The following RBFA variants were observed in gnomAD, a reference collection of about 807,000 sequenced individuals.
The protein encoded by RBFA is ribosome binding factor A, also known as putative ribosome-binding factor A, mitochondrial.
A neutral mutation model predicts 27.9 loss-of-function variants in RBFA; 16 were observed. The observed-to-expected ratio is 0.57, with a 90% CI of 0.39 to 0.87. The LOEUF (loss-of-function observed/expected upper bound fraction) is 0.87. Among genes scored for constraint, RBFA ranks in the 40% least tolerant of loss-of-function variants. The pLI is 0.00. For synonymous variants in RBFA, 181 were observed against 181.0 expected, an observed-to-expected ratio of 1.00 and a Z score of 0.00; for missense variants, 456 against 432.1, an observed-to-expected ratio of 1.06 and a Z score of -0.49.
At chr18:80,043,405 C>T (rs1056268828) in intron 5 of RBFA, among the ~76,000 whole-genome samples, 4 of 152,130 alleles carry the variant, frequency 2.6e-5, no homozygotes, top group South Asian at 2.1e-4. Flanking sequence ...GAAAAAGAAA[C>T]GAAGGAGTGA....
At chr18:80,035,952 G>A (rs2051975995) in intron 1 of RBFA, 1 of 152,150 alleles carries the variant, frequency 6.6e-6, no homozygotes, top group African/African-American at 2.4e-5. Context: ...GGCACTACAA[G>A]ATACTCCAGG....
At chr18:80,037,198 C>G (rs773144076) in intron 2 of RBFA, 132 bp from the exon 3 acceptor site, 12 of 632,728 alleles carry the variant, frequency 1.9e-5, no homozygotes, top group Non-Finnish European at 3.3e-5. Context: ...TTAATGAAAG[C>G]TGAGGCAGCT....
chr18:80,039,805 A>G (rs1235731164), intron 4 of RBFA, among the ~76,000 whole-genome samples: 1 of 152,266 alleles, frequency 6.6e-6, no homozygotes, highest in Non-Finnish European at 1.5e-5. Context: ...TTACAAAACC[A>G]TACGCTGAGA....
chr18:80,038,434 T>C, intron 3 of RBFA, 71 bp from the exon 4 acceptor site: 1 of 1,071,040 alleles, frequency 9.3e-7, no homozygotes, highest in Non-Finnish European at 1.4e-6. Flanking sequence ...GTCGTTTTCA[T>C]CTCCTGGATG....
At chr18:80,043,907 A>G (rs772784204) in intron 5 of RBFA, among the ~76,000 whole-genome samples, 19 of 152,222 alleles carry the variant, frequency 1.2e-4, no homozygotes, top group Admixed American at 3.9e-4. Context: ...GTTAATGGTT[A>G]GTTAGTTAAT....
At chr18:80,042,944 G>T (rs1294687434) in intron 5 of RBFA, among the ~76,000 whole-genome samples, 2 of 152,124 alleles carry the variant, frequency 1.3e-5, no homozygotes, top group East Asian at 3.9e-4. Flanking sequence ...CTCTAACTAG[G>T]GTATGAACTC....
chr18:80,045,211 GA>G, intron 6 of RBFA, among the ~76,000 whole-genome samples: 1 of 145,508 alleles, frequency 6.9e-6, no homozygotes, highest in South Asian at 2.2e-4. Flanking sequence ...CATGCTTAGA[GA>G]AAAAAGTTGC....
intron 4 of RBFA, among the ~76,000 whole-genome samples, chr18:80,039,988 C>T (rs1477149890): frequency 1.3e-5 from 2 of 152,056 alleles, no homozygotes; most frequent in African/African-American, 4.8e-5. Flanking sequence ...TGGCTCACTG[C>T]AACCTCTGCC....
chr18:80,046,266 C>T lies in RBFA; in HGVS notation c.*111C>T. 1 of 1,229,708 alleles carries T rather than the reference C, an allele frequency of 8.1e-7. No individual in the cohort carries two copies. The highest frequency in any genetic ancestry group is 1.1e-6 in the Non-Finnish European group (1 of 895,966). 76.2% of individuals were successfully genotyped at this position (1,229,708 alleles called of 1,614,324 possible). On this transcript the variant is annotated 3_prime_UTR_variant, in exon 7 of 7. Coordinates refer to ENST00000306735, the MANE Select transcript of RBFA (RefSeq NM_024805.3). ...AGTTAAACCATCTGCTCTTCTGCTA[C>T]TTCAACATTTTCTAGCTTTTCCGTG...
intron 1 of RBFA, 30 bp from the exon 2 acceptor site, chr18:80,036,638 A>G (rs2051980850): frequency 1.6e-5 from 25 of 1,588,124 alleles, no homozygotes; most frequent in Non-Finnish European, 2.1e-5. Context: ...CTTTGCCATC[A>G]CTAACATAAT....
intron 4 of RBFA, chr18:80,041,221 G>C (rs2145146351): frequency 6.6e-6 from 1 of 152,290 alleles, no homozygotes; most frequent in South Asian, 2.1e-4. Flanking sequence ...GACAAGTGTT[G>C]AAACAGCATT....
chr18:80,037,556 CACTT>C, intron 3 of RBFA, 50 bp downstream of exon 3: 3 of 1,514,008 alleles, frequency 2.0e-6, no homozygotes, highest in East Asian at 4.6e-5. Context: ...GCAGGCCTGG[CACTT>C]ACTTTACCTG....
rs753658881 is a variant in RBFA, at chr18:80,037,283, T to TG, written c.202-45dup. The TG allele has an allele frequency of 1.7e-5, 27 of 1,564,510 alleles. No individual in the cohort carries two copies. In the East Asian group the frequency reaches 5.9e-4, roughly 34 times the overall value. On this transcript the variant is annotated intron_variant, in intron 2 of 6. Transcript: ENST00000306735. ...CCCCTGCTGTGTGACTTGGTGAGTT[T>TG]GGAGTTGTAACGCTGCCCTTGGGGT...
chr18:80,046,051 G>T lies in RBFA; in HGVS notation c.928G>T (p.Ala310Ser), dbSNP rs2052051465. The part of the protein sequence containing the change: ...EVEDDLDLVG[A>S]PEYECYAPDT... ...TGAAGATGACCTGGACCTGGTTGGT[G>T]CCCCGGAGTACGAATGCTATGCCCC... is the stretch of plus-strand genomic sequence containing the variant. Residue 310 changes from alanine (A) to serine (S), a missense_variant, in exon 7 of 7, where the codon GCC becomes TCC. Transcript: ENST00000306735. The T allele has an allele frequency of 1.2e-6, 2 of 1,614,156 alleles. No individual in the cohort carries two copies. Among genetic ancestry groups the T allele is most frequent in the Admixed American group, 3.3e-5 (2 of 60,028 alleles).
chr18:80,034,811 C>G, intron 1 of RBFA, 158 bp downstream of exon 1: 1 of 752,756 alleles, frequency 1.3e-6, no homozygotes, highest in Non-Finnish European at 2.0e-6. Flanking sequence ...TCACTGTCAG[C>G]ATTTGCAGCT....
At position 80,044,096 on chromosome 18, in the gene RBFA, G is replaced by C. The variant is rs2052034285; in HGVS notation, c.577-116G>C. ...TTGGGAAGAGTCGGTGGAAGGAATT[G>C]TGCAAAGTCTGATCAAAAGCTCTGC... On this transcript the variant is annotated intron_variant, in intron 5 of 6. Transcript: ENST00000306735. The C allele has an allele frequency of 4.6e-6, 4 of 865,008 alleles. No individual in the cohort carries two copies. The Admixed American group carries it at 5.2e-5, about 11-fold the overall frequency. The allele number at this position is 865,008 out of a possible 1,614,324, so 53.6% of individuals were successfully genotyped here.
intron 1 of RBFA, chr18:80,034,911 G>T: frequency 2.3e-6 from 1 of 434,768 alleles, no homozygotes; most frequent in Non-Finnish European, 4.1e-6. Flanking sequence ...TTTTTCAGAA[G>T]ATTAGTTTCA....
At position 80,050,575 on chromosome 18, in the gene RBFA, T is replaced by C. The variant is rs1220148774; in HGVS notation, c.*4420T>C. On this transcript the variant is annotated 3_prime_UTR_variant, in exon 7 of 7. Transcript: ENST00000306735. Reference sequence around the variant, plus strand: ...TAGTCACCCTTCTGTGCTGCTGCTCTACTGTGGCCTCAAAGATCATAAATG... The same window carrying C: ...TAGTCACCCTTCTGTGCTGCTGCTCCACTGTGGCCTCAAAGATCATAAATG... 6.6e-6 allele frequency among the ~76,000 whole-genome samples: 1 copy of C among 152,246 alleles called. No homozygotes were observed. The highest frequency in any genetic ancestry group is 2.4e-5 in the African/African-American group (1 of 41,470).
chr18:80,044,736 G>A (rs1435484453), intron 6 of RBFA, among the ~76,000 whole-genome samples: 11 of 152,256 alleles, frequency 7.2e-5, no homozygotes, highest in Admixed American at 7.2e-4. Flanking sequence ...GTGGAAGTTT[G>A]GCCTGTGCAT....
Sources: allele counts gnomAD v4.1 joint callset (sites outside exome capture counted in the v4.1 genomes callset), GRCh38; gene constraint gnomAD v4.1.1; transcripts MANE v1.5; gene names NCBI Gene and HGNC (gene_info 2026-07-23, HGNC 2026-07-21).